GPC5: variants seen among roughly 807,000 people sequenced by gnomAD.
The protein encoded by GPC5 is glypican-5.
GPC5 carries 47 observed loss-of-function variants against 53.9 expected under a neutral mutation model. The observed-to-expected ratio is 0.87, with a 90% CI of 0.69 to 1.11. The LOEUF (loss-of-function observed/expected upper bound fraction) is 1.11. Ranked by LOEUF, GPC5 falls within the 50% of genes most tolerant of loss-of-function variation. The probability of loss-of-function intolerance (pLI) is 0.00; values close to 1 mark genes in which losing one functional copy is unlikely to be tolerated. For synonymous variants in GPC5, 286 were observed against 263.3 expected (o/e 1.09, Z -0.84); for missense variants, 748 against 713.1 (o/e 1.05, Z -0.56).
intron 3 of GPC5, among the ~76,000 whole-genome samples, chr13:91,725,905 C>T (rs754405615): frequency 6.6e-6 from 1 of 152,190 alleles, no homozygotes; most frequent in Non-Finnish European, 1.5e-5. Context: ...ACAAGGCACA[C>T]TGGATCGTGA....
intron 7 of GPC5, among the ~76,000 whole-genome samples, chr13:92,294,916 G>C (rs2043024094): frequency 7.0e-6 from 1 of 142,350 alleles, no homozygotes; most frequent in South Asian, 2.2e-4. Context: ...TACAACCTCT[G>C]CCTCCCGGTT....
At chr13:91,729,277 A>T (rs1392576625) in intron 4 of GPC5, among the ~76,000 whole-genome samples, 1 of 152,128 alleles carries the variant, frequency 6.6e-6, no homozygotes, top group African/African-American at 2.4e-5. Context: ...CACAGGTTAA[A>T]TTCAGGCCTC....
intron 6 of GPC5, among the ~76,000 whole-genome samples, chr13:92,024,504 A>G (rs1566399715): frequency 2.6e-5 from 4 of 152,178 alleles, no homozygotes; most frequent in Admixed American, 1.3e-4. Context: ...CATGATCTGT[A>G]ATAAACTTTC....
chr13:92,751,089 A>G (rs189516865), intron 7 of GPC5, among the ~76,000 whole-genome samples: 1 of 152,186 alleles, frequency 6.6e-6, no homozygotes, highest in East Asian at 1.9e-4. Flanking sequence ...ATTGATATAT[A>G]TAAACCTTTT....
At chr13:92,098,988 A>G (rs1346495297) in intron 6 of GPC5, among the ~76,000 whole-genome samples, 2 of 148,564 alleles carry the variant, frequency 1.3e-5, no homozygotes, top group Non-Finnish European at 3.0e-5. Context: ...TAATTTTACC[A>G]TATCTCTATT....
intron 6 of GPC5, among the ~76,000 whole-genome samples, chr13:92,078,186 A>T (rs2041268077): frequency 6.6e-6 from 1 of 152,222 alleles, no homozygotes; most frequent in African/African-American, 2.4e-5. Flanking sequence ...TTGGATAATT[A>T]ATTCCATATT....
At chr13:91,399,595 CATAAG>C (rs2138732159) in intron 1 of GPC5, among the ~76,000 whole-genome samples, 1 of 152,284 alleles carries the variant, frequency 6.6e-6, no homozygotes, top group Admixed American at 6.5e-5. Context: ...ACTGCTTTCT[CATAAG>C]GTGGAGGGAA....
At chr13:91,965,761 T>C (rs1276448466) in intron 6 of GPC5, among the ~76,000 whole-genome samples, 1 of 152,200 alleles carries the variant, frequency 6.6e-6, no homozygotes, top group Non-Finnish European at 1.5e-5. Context: ...TTCCATTCAG[T>C]ACATCCGTGC....
chr13:92,773,211 C>G (rs1293148305), intron 7 of GPC5, among the ~76,000 whole-genome samples: 2 of 152,112 alleles, frequency 1.3e-5, no homozygotes, highest in African/African-American at 4.8e-5. Context: ...TACTTACTAT[C>G]AGCTTACATG....
intron 7 of GPC5, among the ~76,000 whole-genome samples, chr13:92,272,055 C>T (rs1449950618): frequency 6.6e-6 from 1 of 152,124 alleles, no homozygotes; most frequent in Admixed American, 6.6e-5. Flanking sequence ...TGATTGTCAC[C>T]TTTATTCACT....
At chr13:91,595,874 A>C (rs1345876408) in intron 2 of GPC5, among the ~76,000 whole-genome samples, 1 of 152,150 alleles carries the variant, frequency 6.6e-6, no homozygotes, top group Non-Finnish European at 1.5e-5. Flanking sequence ...AGTGACCTCG[A>C]TGTTACCAAA....
chr13:92,826,647 TG>T (rs1877857312), intron 7 of GPC5, among the ~76,000 whole-genome samples: 1 of 152,168 alleles, frequency 6.6e-6, no homozygotes, highest in Non-Finnish European at 1.5e-5. Flanking sequence ...GACAGAATTT[TG>T]GGGTCATTAG....
chr13:92,598,814 C>T (rs1251574060), intron 7 of GPC5, among the ~76,000 whole-genome samples: 1 of 152,082 alleles, frequency 6.6e-6, no homozygotes, highest in South Asian at 2.1e-4. Flanking sequence ...GTCAGGAGTT[C>T]GAGACCAACC....
chr13:91,399,419 C>A (rs557208645), intron 1 of GPC5, among the ~76,000 whole-genome samples: 19 of 152,226 alleles, frequency 1.2e-4, no homozygotes, highest in Non-Finnish European at 2.5e-4. Context: ...AAGCCTGCGA[C>A]GAATCCCCGT....
chr13:92,348,537 A>G (rs2139263325), intron 7 of GPC5, among the ~76,000 whole-genome samples: 1 of 152,316 alleles, frequency 6.6e-6, no homozygotes, highest in South Asian at 2.1e-4. Flanking sequence ...CAGAAAATTA[A>G]TAAGAAAACA....
At chr13:92,802,579 A>G (rs1018089926) in intron 7 of GPC5, among the ~76,000 whole-genome samples, 3 of 151,942 alleles carry the variant, frequency 2.0e-5, no homozygotes, top group Non-Finnish European at 4.4e-5. Context: ...CTGGATTAAG[A>G]AAATGTGGCA....
intron 2 of GPC5, among the ~76,000 whole-genome samples, chr13:91,493,156 T>G (rs1280234847): frequency 6.6e-6 from 1 of 152,250 alleles, no homozygotes; most frequent in Non-Finnish European, 1.5e-5. Context: ...ACTCCATGCC[T>G]GCATAAGTGC....
chr13:92,529,839 T>G (rs1171872983), intron 7 of GPC5, among the ~76,000 whole-genome samples: 2 of 152,232 alleles, frequency 1.3e-5, no homozygotes, highest in South Asian at 4.1e-4. Flanking sequence ...TCACAGCAGT[T>G]TGGGAGGCCG....
intron 7 of GPC5, among the ~76,000 whole-genome samples, chr13:92,166,956 T>TCTCTCTCACACACACA (rs1415930136): frequency 1.2e-5 from 1 of 84,710 alleles, no homozygotes; most frequent in African/African-American, 4.5e-5. Flanking sequence ...TCTCTCTCTC[T>TCTCTCTCACACACACA]CACACACACA....
Sources: gnomAD v4.1 joint callset for allele counts (sites outside exome capture counted in the v4.1 genomes callset) on GRCh38, gnomAD v4.1.1 for gene constraint, MANE v1.5 for transcripts, NCBI Gene and HGNC (gene_info 2026-07-23, HGNC 2026-07-21) for gene names.